CSMD1: variants seen among roughly 807,000 people sequenced by gnomAD.
The protein encoded by CSMD1 is CUB and sushi domain-containing protein 1.
In CSMD1, 213 loss-of-function variants were observed where a neutral mutation model predicts 417.5. That is an observed-to-expected ratio of 0.51 (90% confidence interval 0.46 to 0.57). CSMD1 has a LOEUF of 0.57. Among genes scored for constraint, CSMD1 ranks in the 20% least tolerant of loss-of-function variants. CSMD1 has a pLI of 0.00. For missense variants in CSMD1, 6,923 were observed against 4,529.7 expected (o/e 1.53, Z -15.17); for synonymous variants, 2,862 against 1,736.8 (o/e 1.65, Z -16.11).
At chr8:3,078,968 C>T (rs769394426) in intron 49 of CSMD1, among the ~76,000 whole-genome samples, 6 of 151,924 alleles carry the variant, frequency 3.9e-5, no homozygotes, top group Admixed American at 6.6e-5. Context: ...TCCTTCAAAA[C>T]GGGGGGGAGC....
chr8:4,587,993 G>A (rs960781398), intron 2 of CSMD1, among the ~76,000 whole-genome samples: 11 of 152,178 alleles, frequency 7.2e-5, no homozygotes, highest in Non-Finnish European at 1.5e-4. Flanking sequence ...CTACTTTCCT[G>A]AATCGTGAAT....
rs116261202 is a variant in CSMD1 at position 4,708,839 on chromosome 8, G to A, written c.86-71281C>T. ...AGGTCATTAGGGTGGTCCCTAATCC[G>A]ACATGACTGGTGTTGTTATAAGAAA... On this transcript the variant is annotated intron_variant, in intron 1 of 69. Transcript: ENST00000635120. Among the ~76,000 whole-genome samples, 625 of 152,196 alleles carry A rather than the reference G, an allele frequency of 4.1e-3. 3 individuals are homozygous for A. Among genetic ancestry groups the A allele is most frequent in the African/African-American group, 0.014 (597 of 41,510 alleles).
chr8:4,129,667 C>G (rs1018168118), intron 3 of CSMD1, among the ~76,000 whole-genome samples: 5 of 152,086 alleles, frequency 3.3e-5, no homozygotes, highest in Admixed American at 2.0e-4. Flanking sequence ...TCCCAATGTT[C>G]TGAAATCACC....
chr8:4,277,193 G>C (rs577811381), intron 3 of CSMD1, among the ~76,000 whole-genome samples: 1 of 124,330 alleles, frequency 8.0e-6, no homozygotes, highest in African/African-American at 2.7e-5. Context: ...GTCATCTACA[G>C]ATAACATATA....
chr8:3,368,646 G>A (rs1166995161), intron 19 of CSMD1, among the ~76,000 whole-genome samples: 1 of 152,090 alleles, frequency 6.6e-6, no homozygotes. Context: ...GCCCCAAATA[G>A]ACTCTTAAAG....
At chr8:3,433,649 C>T (rs547867267) in intron 12 of CSMD1, among the ~76,000 whole-genome samples, 10 of 152,270 alleles carry the variant, frequency 6.6e-5, no homozygotes, top group Admixed American at 1.3e-4. Flanking sequence ...GGCCATTTAG[C>T]GCCCAACATT....
intron 3 of CSMD1, among the ~76,000 whole-genome samples, chr8:4,063,522 A>T (rs2740876): frequency 0.068 from 10,379 of 152,296 alleles, 547 homozygotes; most frequent in East Asian, 0.29. Context: ...TGTGTGCCAC[A>T]GTTTTAATAC....
At chr8:3,255,038 G>T (rs1006075228) in intron 26 of CSMD1, among the ~76,000 whole-genome samples, 6 of 152,136 alleles carry the variant, frequency 3.9e-5, no homozygotes, top group African/African-American at 1.4e-4. Flanking sequence ...GTGATGTACA[G>T]ATGGGGTTTT....
intron 1 of CSMD1, among the ~76,000 whole-genome samples, chr8:4,840,114 C>A (rs1305857428): frequency 6.3e-5 from 1 of 15,810 alleles, no homozygotes; most frequent in Non-Finnish European, 2.3e-4. Context: ...ACTTAGACTC[C>A]ACGGAGGCAC....
At chr8:4,336,304 C>G (rs1048248850) in intron 3 of CSMD1, among the ~76,000 whole-genome samples, 2 of 152,118 alleles carry the variant, frequency 1.3e-5, no homozygotes, top group African/African-American at 4.8e-5. Context: ...TTTAATGCCA[C>G]GTAGCCTCTG....
At chr8:3,157,477 A>G (rs1819605981) in intron 39 of CSMD1, among the ~76,000 whole-genome samples, 1 of 151,864 alleles carries the variant, frequency 6.6e-6, no homozygotes, top group Non-Finnish European at 1.5e-5. Context: ...ATACTCCATC[A>G]CTCCATCAGT....
In CSMD1 at chr8:3,972,146, C is replaced by G. The variant is rs150894758; in HGVS notation, c.818+25757G>C. On this transcript the variant is annotated intron_variant, in intron 5 of 69. Transcript: ENST00000635120. ...TGGGACGGCGAAAGTGCTGGGATGA[C>G]AGGTTGAACCCCTGTGCCTGGCCCT... is the stretch of plus-strand genomic sequence containing the variant. Among the ~76,000 whole-genome samples the G allele has an allele frequency of 4.4e-3, 671 of 152,150 alleles. 6 individuals carry two copies. Among genetic ancestry groups the G allele is most frequent in the African/African-American group, 0.015 (616 of 41,498 alleles).
At chr8:2,986,726 G>C (rs1390302309) in intron 54 of CSMD1, among the ~76,000 whole-genome samples, 4 of 152,018 alleles carry the variant, frequency 2.6e-5, no homozygotes, top group African/African-American at 4.8e-5. Flanking sequence ...GGATGGTTTT[G>C]ATCTCCTGAC....
intron 2 of CSMD1, among the ~76,000 whole-genome samples, chr8:4,457,727 T>C (rs1172585018): frequency 6.6e-6 from 1 of 152,164 alleles, no homozygotes; most frequent in East Asian, 1.9e-4. Context: ...GTCCTTCATG[T>C]GCTCCTCTGT....
chr8:2,966,024 A>T (rs576296806), intron 58 of CSMD1, 70 bp from the exon 59 acceptor site: 1 of 1,334,046 alleles, frequency 7.5e-7, no homozygotes, highest in Admixed American at 2.0e-5. Context: ...CACCATTTCT[A>T]TTCAAGATAC....
intron 12 of CSMD1, among the ~76,000 whole-genome samples, chr8:3,445,238 G>A (rs1319099075): frequency 6.6e-6 from 1 of 152,136 alleles, no homozygotes; most frequent in African/African-American, 2.4e-5. Context: ...AGTAGTCTGG[G>A]TTACGTTCTC....
chr8:3,399,378 AT>A lies in CSMD1; in HGVS notation c.2405+12del. 2.5e-6 allele frequency: 4 copies of A among 1,590,854 alleles called. No individual in the cohort carries two copies. The highest frequency in any genetic ancestry group is 1.2e-5 in the South Asian group (1 of 85,886). On this transcript the variant is annotated intron_variant, in intron 16 of 69. Transcript: ENST00000635120. The stretch of plus-strand genomic sequence containing the variant: ...CACCATTGGGTCCAAATGAAGACTA[AT>A]TTTTTTCTTACCTGTCAAAAGTTAT...
intron 5 of CSMD1, among the ~76,000 whole-genome samples, chr8:3,864,173 A>G (rs1585108670): frequency 6.6e-6 from 1 of 152,210 alleles, no homozygotes; most frequent in East Asian, 1.9e-4. Flanking sequence ...ATTATAGGAA[A>G]TCTGCTAAAT....
At chr8:4,221,556 G>A (rs995465556) in intron 3 of CSMD1, among the ~76,000 whole-genome samples, 5 of 152,082 alleles carry the variant, frequency 3.3e-5, no homozygotes, top group African/African-American at 1.2e-4. Context: ...AGAGCAGGAG[G>A]CCTCAGATGT....
Sources: allele counts gnomAD v4.1 joint callset (sites outside exome capture counted in the v4.1 genomes callset), GRCh38; gene constraint gnomAD v4.1.1; transcripts MANE v1.5; gene names NCBI Gene and HGNC (gene_info 2026-07-23, HGNC 2026-07-21).